The following NFASC variants were observed in gnomAD, a reference collection of about 807,000 sequenced individuals.
The protein encoded by NFASC is neurofascin, also known as neurofascin homolog.
Under a neutral mutation model 147.5 loss-of-function variants are expected in NFASC, and 43 were observed. That is an observed-to-expected ratio of 0.29 (90% confidence interval 0.23 to 0.38). The LOEUF (loss-of-function observed/expected upper bound fraction) is 0.38. NFASC is among the 10% of genes least tolerant of loss of function. The pLI is 1.00. For synonymous variants in NFASC, 622 were observed against 665.5 expected (o/e 0.93, Z 1.01); for missense variants, 1,320 against 1,689.0 (o/e 0.78, Z 3.83).
chr1:204,899,091 A>G (rs2083988347), intron 1 of NFASC, among the ~76,000 whole-genome samples: 1 of 152,164 alleles, frequency 6.6e-6, no homozygotes, highest in African/African-American at 2.4e-5. Context: ...TCCCAGGCTG[A>G]TGGGAGGAAG....
rs746004343 is a variant in NFASC, at chr1:204,997,301, G to GCCA, written c.2926_2928dup (p.Thr976dup). On this transcript the variant is annotated inframe_insertion, in exon 25 of 30. Transcript: ENST00000339876. ...CCCAACTGTCGCACCTACCACCATC[G>GCCA]CCACCACCACCACCGTCGCCACAAC... 1.9e-5 allele frequency: 31 copies of GCCA among 1,599,354 alleles called. No homozygotes were observed. The highest frequency in any genetic ancestry group is 3.3e-4 in the Middle Eastern group (2 of 6,062).
At chr1:204,836,325 C>T (rs562474663) in intron 1 of NFASC, among the ~76,000 whole-genome samples, 1 of 152,150 alleles carries the variant, frequency 6.6e-6, no homozygotes, top group African/African-American at 2.4e-5. Context: ...TGTGTGTTGA[C>T]CATAAGCCAA....
chr1:204,922,119 A>G (rs1468638969), intron 2 of NFASC, among the ~76,000 whole-genome samples: 1 of 152,184 alleles, frequency 6.6e-6, no homozygotes, highest in Admixed American at 6.5e-5. Flanking sequence ...GGTACGAAGT[A>G]TATATGAAAC....
Position 204,975,484 on chromosome 1 carries a change from G to A in NFASC, c.1706+66G>A. On this transcript the variant is annotated intron_variant, in intron 15 of 29. Coordinates refer to ENST00000339876, the MANE Select transcript of NFASC (RefSeq NM_001005388.3). The surrounding 1 kb of genome is among the most constrained non-coding windows in gnomAD (Gnocchi z 4.0). ...GCGCATTTTCTTTTCCCTTGCTGTT[G>A]GTGACACATGGAAGAACACAGGGAC... 8.4e-6 allele frequency: 13 copies of A among 1,556,740 alleles called. No individual in the cohort carries two copies. The highest frequency in any genetic ancestry group is 1.1e-5 in the Non-Finnish European group (13 of 1,141,420).
chr1:204,954,229 A>G lies in NFASC; in HGVS notation c.257A>G (p.Lys86Arg). The G allele has an allele frequency of 1.2e-6, 2 of 1,614,214 alleles. No individual in the cohort carries two copies. Among genetic ancestry groups the G allele is most frequent in the South Asian group, 1.1e-5 (1 of 91,082 alleles). Residue 86 changes from lysine (K) to arginine (R), a missense_variant, in exon 6 of 30, where the codon AAG (lysine) becomes AGG (arginine). Lys to Arg is a conservative substitution (Grantham distance 26, BLOSUM62 2). Coordinates refer to ENST00000339876, the MANE Select transcript of NFASC (RefSeq NM_001005388.3). This position sits in a 1 kb window ranked among gnomAD's most constrained non-coding sequence, Gnocchi z 5.7. ...TRNSRFFNIA[K>R]DPRVSMRRRS... The stretch of plus-strand genomic sequence containing the variant: ...AACAGCAGATTCTTCAACATCGCCA[A>G]GGACCCCCGGGTGTCCATGAGGAGG...
chr1:204,900,790 G>T (rs1476304306), intron 1 of NFASC, among the ~76,000 whole-genome samples: 1 of 152,130 alleles, frequency 6.6e-6, no homozygotes, highest in Admixed American at 6.5e-5. Flanking sequence ...AGGCAAGAAT[G>T]GTAGCTTAGA....
At chr1:204,840,206 C>T (rs1435052990) in intron 1 of NFASC, among the ~76,000 whole-genome samples, 5 of 152,202 alleles carry the variant, frequency 3.3e-5, no homozygotes, top group African/African-American at 1.2e-4. Context: ...CATCTGCAAA[C>T]TGCACTTTGA....
chr1:205,001,136 T>A (rs1478109640), intron 25 of NFASC, 34 bp from the exon 26 acceptor site: 2 of 1,307,408 alleles, frequency 1.5e-6, no homozygotes, highest in African/African-American at 2.9e-5. Context: ...CACTCCCTCC[T>A]CATCACTAAC....
rs190639577 is a variant in NFASC, at chr1:204,899,487, G to A, written c.-199-21145G>A. Among the ~76,000 whole-genome samples, 120 of 152,264 alleles carry A rather than the reference G, an allele frequency of 7.9e-4. 1 individual carries two copies. The highest frequency in any genetic ancestry group is 5.0e-3 in the South Asian group (24 of 4,810). ...GGTACCAGTAGGTGAGACATTTGCC[G>A]GTTCCTGCCTCTAGAGAACAGCTGT... On this transcript the variant is annotated intron_variant, in intron 1 of 29. Transcript: ENST00000339876.
At chr1:204,990,483 G>A (rs2095702638) in intron 23 of NFASC, 1 of 143,736 alleles carries the variant, frequency 7.0e-6, no homozygotes, top group African/African-American at 2.6e-5. Flanking sequence ...AGCCCCAGGG[G>A]ACAAAAGGAC....
intron 24 of NFASC, among the ~76,000 whole-genome samples, chr1:204,994,553 G>A (rs1011878922): frequency 6.6e-6 from 1 of 152,182 alleles, no homozygotes; most frequent in East Asian, 1.9e-4. Flanking sequence ...TTGGATTCTG[G>A]GGCCTGGGAA....
intron 12 of NFASC, among the ~76,000 whole-genome samples, chr1:204,973,899 G>A (rs1233309587): frequency 6.6e-6 from 1 of 152,198 alleles, no homozygotes; most frequent in Non-Finnish European, 1.5e-5. Context: ...ATGCCTTAGG[G>A]CTGTGATGGG....
In NFASC at chr1:204,920,705, G is replaced by A; in HGVS notation, c.-126G>A. 2 of 1,289,542 alleles carry A rather than the reference G, an allele frequency of 1.6e-6. No homozygotes were observed. Among genetic ancestry groups the A allele is most frequent in the Non-Finnish European group, 2.0e-6 (2 of 988,730 alleles). The allele number at this position is 1,289,542 out of a possible 1,614,324, so 79.9% of individuals were successfully genotyped here. On this transcript the variant is annotated 5_prime_UTR_variant, in exon 2 of 30. The change creates a premature stop within an existing upstream ORF in the 5' untranslated region. Transcript: ENST00000339876. ...CGCAGCCTGGAACAGAGCCTCCTCTGGTGTTGCAAGGAAGAGGCTGAATGA... is the reference window on the plus strand; with the variant it reads ...CGCAGCCTGGAACAGAGCCTCCTCTAGTGTTGCAAGGAAGAGGCTGAATGA...
chr1:205,014,725 G>T (rs1169934998), intron 29 of NFASC, among the ~76,000 whole-genome samples: 1 of 152,156 alleles, frequency 6.6e-6, no homozygotes, highest in African/African-American at 2.4e-5. Context: ...CCTTCCACTG[G>T]CTGGGCTGTT....
intron 2 of NFASC, among the ~76,000 whole-genome samples, chr1:204,940,178 C>T (rs922079211): frequency 2.0e-5 from 3 of 152,166 alleles, no homozygotes; most frequent in African/African-American, 7.2e-5. Context: ...CAAAGCCGGG[C>T]GCGATGGCTC....
intron 3 of NFASC, chr1:204,946,563 C>T (rs2093752772): frequency 1.4e-5 from 6 of 442,008 alleles, no homozygotes; most frequent in Middle Eastern, 3.3e-4. Flanking sequence ...AGAAACTGAA[C>T]ACACTTTCCC....
At chr1:204,938,533 C>A (rs2802820) in intron 2 of NFASC, among the ~76,000 whole-genome samples, 2 of 152,066 alleles carry the variant, frequency 1.3e-5, no homozygotes, top group Non-Finnish European at 2.9e-5. Context: ...CCAAGCCCCC[C>A]ACCCTGCCGC....
At position 204,954,999 on chromosome 1, in the gene NFASC, G is replaced by T; in HGVS notation, c.535+48G>T. ...TGTGTTTATATCTTAACCTTAGGGG[G>T]TGGGGTGGGTGTGTTAAGTGGGGAG... On this transcript the variant is annotated intron_variant, in intron 7 of 29. Transcript: ENST00000339876. This position sits in a 1 kb window ranked among gnomAD's most constrained non-coding sequence, Gnocchi z 5.7. The T allele has an allele frequency of 1.9e-6, 3 of 1,600,748 alleles. No homozygotes were observed. The highest frequency in any genetic ancestry group is 1.1e-5 in the South Asian group (1 of 90,496).
chr1:204,850,459 C>G (rs1184309303), intron 1 of NFASC, among the ~76,000 whole-genome samples: 1 of 152,226 alleles, frequency 6.6e-6, no homozygotes, highest in African/African-American at 2.4e-5. Flanking sequence ...GTGGTTGATA[C>G]AGCTTGGCTC....
Sources: gnomAD v4.1 joint callset for allele counts (sites outside exome capture counted in the v4.1 genomes callset) on GRCh38, gnomAD v4.1.1 for gene constraint, Gnocchi (gnomAD v3.1) non-coding constraint, MANE v1.5 for transcripts, NCBI Gene and HGNC (gene_info 2026-07-23, HGNC 2026-07-21) for gene names.